DIAPH2: variants seen among roughly 807,000 people sequenced by gnomAD.
The protein encoded by DIAPH2 is protein diaphanous homolog 2.
In DIAPH2, 35 loss-of-function variants were observed where a neutral mutation model predicts 92.7. The ratio of observed to expected loss-of-function variants is 0.38; its 90% CI spans 0.29 to 0.50. The LOEUF is 0.50. Ranked by LOEUF, DIAPH2 falls within the 20% of genes least tolerant of loss-of-function variation. DIAPH2 has a pLI of 0.94. For missense variants in DIAPH2, 701 were observed against 819.5 expected (o/e 0.86, Z 1.77); for synonymous variants, 301 against 280.4 (o/e 1.07, Z -0.73).
intron 25 of DIAPH2, among the ~76,000 whole-genome samples, chrX:97,399,129 G>A (rs529207511): frequency 1.9e-3 from 214 of 111,555 alleles, no homozygotes; most frequent in African/African-American, 6.7e-3. Flanking sequence ...GTATTGAGGA[G>A]CCATCTCAAA....
intron 26 of DIAPH2, among the ~76,000 whole-genome samples, chrX:97,590,538 G>A (rs777701568): frequency 8.9e-6 from 1 of 112,409 alleles, no homozygotes; most frequent in East Asian, 2.8e-4. Flanking sequence ...TAGAGAAATG[G>A]CTGATGCCTA....
intron 17 of DIAPH2, among the ~76,000 whole-genome samples, chrX:97,066,700 T>C (rs1429758103): frequency 8.9e-6 from 1 of 112,137 alleles, no homozygotes; most frequent in Non-Finnish European, 1.9e-5. Flanking sequence ...ACATTAGCTA[T>C]GCACGCTGTT....
chrX:97,409,666 C>T (rs1397003351), intron 25 of DIAPH2, among the ~76,000 whole-genome samples: 1 of 111,953 alleles, frequency 8.9e-6, no homozygotes, highest in Admixed American at 9.4e-5. Flanking sequence ...ACACTCCCAC[C>T]GAAATACTGA....
chrX:96,926,945 CAT>C (rs1463230043), intron 9 of DIAPH2, among the ~76,000 whole-genome samples: 1 of 111,405 alleles, frequency 9.0e-6, no homozygotes, highest in Non-Finnish European at 1.9e-5. Flanking sequence ...CATTTTGAAA[CAT>C]AGCCATTATA....
chrX:96,951,977 T>TA (rs780380473), intron 15 of DIAPH2, among the ~76,000 whole-genome samples: 2 of 111,633 alleles, frequency 1.8e-5, no homozygotes, highest in Admixed American at 9.5e-5. Flanking sequence ...GTCCATTAAT[T>TA]AAAAAATGGG....
intron 5 of DIAPH2, among the ~76,000 whole-genome samples, chrX:96,906,690 G>C (rs889846980): frequency 8.9e-6 from 1 of 112,113 alleles, no homozygotes; most frequent in African/African-American, 3.2e-5. Flanking sequence ...TATGCATTTA[G>C]CCATGCAGCT....
At chrX:97,592,109 AAAGT>A (rs1022924460) in intron 26 of DIAPH2, among the ~76,000 whole-genome samples, 1 of 112,381 alleles carries the variant, frequency 8.9e-6, no homozygotes, top group Non-Finnish European at 1.9e-5. Context: ...ATGGTAGATA[AAAGT>A]AAGTATTGCA....
chrX:97,592,319 A>G (rs2071523105), intron 26 of DIAPH2, among the ~76,000 whole-genome samples: 1 of 111,773 alleles, frequency 8.9e-6, no homozygotes, highest in African/African-American at 3.2e-5. Flanking sequence ...ATAGAGATGG[A>G]GAGTAGAGTT....
chrX:97,294,426 G>C (rs2068626443), intron 23 of DIAPH2, among the ~76,000 whole-genome samples: 1 of 112,123 alleles, frequency 8.9e-6, no homozygotes, highest in Non-Finnish European at 1.9e-5. Flanking sequence ...ATAACATTTT[G>C]TAACATATTG....
At chrX:96,766,929 AC>A (rs1266526054) in intron 4 of DIAPH2, among the ~76,000 whole-genome samples, 1 of 110,823 alleles carries the variant, frequency 9.0e-6, no homozygotes, top group Non-Finnish European at 1.9e-5. Flanking sequence ...GAACAAAACC[AC>A]CCCCTTAGCC....
intron 17 of DIAPH2, among the ~76,000 whole-genome samples, chrX:97,002,668 A>G (rs747441246): frequency 9.0e-6 from 1 of 111,366 alleles, no homozygotes; most frequent in African/African-American, 3.3e-5. Context: ...TCGTGGGTCC[A>G]TAGTAGGTAT....
intron 22 of DIAPH2, among the ~76,000 whole-genome samples, chrX:97,203,171 G>C (rs2067767460): frequency 8.9e-6 from 1 of 112,050 alleles, no homozygotes; most frequent in African/African-American, 3.2e-5. Context: ...AGCTAAAGCA[G>C]TGTTAATAGG....
intron 22 of DIAPH2, among the ~76,000 whole-genome samples, chrX:97,226,213 T>C (rs1234419821): frequency 9.0e-6 from 1 of 111,698 alleles, no homozygotes; most frequent in Non-Finnish European, 1.9e-5. Flanking sequence ...TTGTTATTAA[T>C]GGAATGTTCC....
In DIAPH2 at chrX:97,474,485, C is replaced by T. The variant is rs141278153; in HGVS notation, c.3241+44740C>T. 3.1e-3 allele frequency among the ~76,000 whole-genome samples: 351 copies of T among 112,094 alleles called. 1 individual carries two copies. Among genetic ancestry groups the T allele is most frequent in the African/African-American group, 0.011 (334 of 30,917 alleles). Reference sequence around the variant, plus strand: ...AGAGATTTTAAAGAACAGGGTAAGGCCAGGCATGGTGGCTTATGCCTGTAA... The same window carrying T: ...AGAGATTTTAAAGAACAGGGTAAGGTCAGGCATGGTGGCTTATGCCTGTAA... On this transcript the variant is annotated intron_variant, in intron 26 of 26. Transcript: ENST00000324765.
At chrX:97,385,068 C>T (rs1005104662) in intron 25 of DIAPH2, among the ~76,000 whole-genome samples, 2 of 109,677 alleles carry the variant, frequency 1.8e-5, no homozygotes, top group African/African-American at 3.3e-5. Context: ...TCTTTGTCAC[C>T]TGAGGTTTAG....
intron 1 of DIAPH2, among the ~76,000 whole-genome samples, chrX:96,689,474 G>A (rs1455081576): frequency 9.2e-6 from 1 of 108,829 alleles, no homozygotes; most frequent in African/African-American, 3.4e-5. Context: ...TTGGAGACCT[G>A]GATTCCAGTT....
At chrX:97,567,030 A>G (rs750962566) in intron 26 of DIAPH2, among the ~76,000 whole-genome samples, 7 of 111,931 alleles carry the variant, frequency 6.3e-5, no homozygotes, top group East Asian at 2.8e-4. Context: ...AAAGAATACA[A>G]TGAAAAATGA....
chrX:96,745,069 C>T (rs1451981364), intron 3 of DIAPH2, among the ~76,000 whole-genome samples: 7 of 106,727 alleles, frequency 6.6e-5, no homozygotes, highest in African/African-American at 2.1e-4. Flanking sequence ...TGCAATGGCG[C>T]GATCTTGGTT....
At chrX:97,318,264 G>C (rs1016591400) in intron 23 of DIAPH2, among the ~76,000 whole-genome samples, 3 of 108,836 alleles carry the variant, frequency 2.8e-5, no homozygotes, top group Non-Finnish European at 5.7e-5. Flanking sequence ...TCAGCCTCCC[G>C]AGTAGCTGGG....
Sources: gnomAD v4.1 joint callset for allele counts (sites outside exome capture counted in the v4.1 genomes callset) on GRCh38, gnomAD v4.1.1 for gene constraint, MANE v1.5 for transcripts, NCBI Gene and HGNC (gene_info 2026-07-23, HGNC 2026-07-21) for gene names.